SSX2IP: variants seen among roughly 807,000 people sequenced by gnomAD.
SSX2IP encodes afadin- and alpha-actinin-binding protein.
Under a neutral mutation model 84.9 loss-of-function variants are expected in SSX2IP, and 55 were observed. The ratio of observed to expected loss-of-function variants is 0.65; its 90% CI spans 0.52 to 0.81. The LOEUF (loss-of-function observed/expected upper bound fraction) is 0.81. Among genes scored for constraint, SSX2IP ranks in the 30% least tolerant of loss-of-function variants. The probability of loss-of-function intolerance (pLI) is 0.00; values close to 1 mark genes in which losing one functional copy is unlikely to be tolerated. For synonymous variants in SSX2IP, 239 were observed against 234.7 expected (o/e 1.02, Z -0.17); for missense variants, 664 against 705.2 (o/e 0.94, Z 0.66).
At chr1:84,677,003 C>T (rs930469722) in intron 1 of SSX2IP, among the ~76,000 whole-genome samples, 3 of 152,012 alleles carry the variant, frequency 2.0e-5, no homozygotes, top group African/African-American at 7.3e-5. Context: ...GCGTGAGCCA[C>T]CATGCCCAGT....
chr1:84,647,752 G>GTA, intron 13 of SSX2IP, 145 bp from the exon 14 acceptor site: 16 of 261,562 alleles, frequency 6.1e-5, no homozygotes, highest in East Asian at 1.0e-4. Context: ...ATTTTACTTG[G>GTA]AAAAAAAAAA....
intron 13 of SSX2IP, 26 bp from the exon 14 acceptor site, chr1:84,647,633 T>C: frequency 6.7e-7 from 1 of 1,499,148 alleles, no homozygotes. Flanking sequence ...AGGCAGATCT[T>C]AGTGACTATC....
At position 84,646,156 on chromosome 1, in the gene SSX2IP, T is replaced by G. The variant is rs1262307945; in HGVS notation, c.*1277A>C. 6.6e-6 allele frequency: 1 copy of G among 152,638 alleles called. No individual in the cohort carries two copies. Among genetic ancestry groups the G allele is most frequent in the South Asian group, 2.1e-4 (1 of 4,830 alleles). 9.5% of individuals were successfully genotyped at this position (152,638 alleles called of 1,614,324 possible). The stretch of plus-strand genomic sequence containing the variant: ...CTAAACTATGATACCTAGCAAGGGT[T>G]GGATCTGTGCAGGCTTCTATGTACA... On this transcript the variant is annotated 3_prime_UTR_variant, in exon 14 of 14. Coordinates refer to ENST00000342203, the MANE Select transcript of SSX2IP (RefSeq NM_001166293.2).
chr1:84,656,099 G>T, intron 10 of SSX2IP, 94 bp from the exon 11 acceptor site: 1 of 1,170,256 alleles, frequency 8.5e-7, no homozygotes. Context: ...CAAACTTCAG[G>T]GCAGGAATAG....
intron 1 of SSX2IP, among the ~76,000 whole-genome samples, chr1:84,676,693 T>G (rs892908757): frequency 6.6e-6 from 1 of 150,906 alleles, no homozygotes; most frequent in Non-Finnish European, 1.5e-5. Context: ...GAAACAAATC[T>G]GATTTCAAGA....
At chr1:84,685,039 T>G (rs1358697781) in intron 1 of SSX2IP, among the ~76,000 whole-genome samples, 1 of 152,148 alleles carries the variant, frequency 6.6e-6, no homozygotes, top group African/African-American at 2.4e-5. Context: ...AAACTATAAA[T>G]GGACCAATTA....
chr1:84,650,533 G>A lies in SSX2IP; in HGVS notation c.1505-6C>T. ...AAGATTGTCCCAATCAGAACCTGTT[G>A]TAAAACAAGTAAGAGAAAAAGGCAG... On this transcript the variant is annotated splice_polypyrimidine_tract_variant and splice_region_variant and intron_variant, in intron 12 of 13. Transcript: ENST00000342203. The A allele has an allele frequency of 6.2e-7, 1 of 1,614,048 alleles. No homozygotes were observed.
chr1:84,671,210 A>C lies in SSX2IP; in HGVS notation c.10T>G (p.Trp4Gly). MGD[W>G]MTVTDPGLSS... ...AGACCTGGATCTGTAACAGTCATCCAATCTCCCATAGCAATCTCTAGAGCC... is the reference window on the plus strand; with the variant it reads ...AGACCTGGATCTGTAACAGTCATCCCATCTCCCATAGCAATCTCTAGAGCC... The change falls in exon 2 of 14, where the codon TGG (tryptophan) becomes GGG (glycine). Residue 4 changes from tryptophan (W) to glycine (G), a missense_variant. Physicochemically the swap from Trp to Gly is radical, Grantham distance 184. Coordinates refer to ENST00000342203, the MANE Select transcript of SSX2IP (RefSeq NM_001166293.2). 6.2e-7 allele frequency: 1 copy of C among 1,611,496 alleles called. No individual in the cohort carries two copies. Among genetic ancestry groups the C allele is most frequent in the South Asian group, 1.1e-5 (1 of 90,732 alleles).
At position 84,664,660 on chromosome 1, in the gene SSX2IP, C is replaced by T. The variant is rs889246910; in HGVS notation, c.538-108G>A. The T allele has an allele frequency of 1.6e-5, 16 of 978,720 alleles. 1 individual carries two copies. Among genetic ancestry groups the T allele is most frequent in the Middle Eastern group, 7.1e-4 (2 of 2,824 alleles). The allele number at this position is 978,720 out of a possible 1,614,324, so 60.6% of individuals were successfully genotyped here. Reference sequence around the variant, plus strand: ...TAGGTTTTAAAATCCTAGGATGATTCTTCCTTATTTGTAACCAGTAGAAAC... The same window carrying T: ...TAGGTTTTAAAATCCTAGGATGATTTTTCCTTATTTGTAACCAGTAGAAAC... On this transcript the variant is annotated intron_variant, in intron 5 of 13. Transcript: ENST00000342203.
chr1:84,659,206 AAAAG>A (rs1651561965), intron 8 of SSX2IP, among the ~76,000 whole-genome samples: 2 of 152,230 alleles, frequency 1.3e-5, no homozygotes, highest in Non-Finnish European at 2.9e-5. Context: ...TGCTGGGGAA[AAAAG>A]AAAGATAAAA....
At chr1:84,657,134 T>C (rs1651236014) in intron 9 of SSX2IP, among the ~76,000 whole-genome samples, 1 of 152,180 alleles carries the variant, frequency 6.6e-6, no homozygotes, top group Non-Finnish European at 1.5e-5. Context: ...ATAGGCTTCA[T>C]TTACTGAGCA....
chr1:84,644,175 A>G lies in SSX2IP; in HGVS notation c.*3258T>C, dbSNP rs1649218368. On this transcript the variant is annotated 3_prime_UTR_variant, in exon 14 of 14. Transcript: ENST00000342203. ...AATCATCTGTTACATAGTACTTCACAAAGGAAATAATGCTAAGACTTATAA... is the reference window on the plus strand; with the variant it reads ...AATCATCTGTTACATAGTACTTCACGAAGGAAATAATGCTAAGACTTATAA... 6.6e-6 allele frequency: 1 copy of G among 152,236 alleles called. No individual in the cohort carries two copies. The highest frequency in any genetic ancestry group is 2.4e-5 in the African/African-American group (1 of 41,454). 9.4% of individuals were successfully genotyped at this position (152,236 alleles called of 1,614,324 possible). A position where few individuals can be genotyped will look rare whatever the true frequency, so the allele number is the denominator to read the frequency against.
Position 84,647,309 on chromosome 1 carries a change from G to T in SSX2IP, c.*124C>A. The stretch of plus-strand genomic sequence containing the variant: ...CAACTCTTTGGGGGAAGACAGGGAA[G>T]TCCAAACAAACAACTCAGACCATCT... On this transcript the variant is annotated 3_prime_UTR_variant, in exon 14 of 14. Transcript: ENST00000342203. The T allele has an allele frequency of 2.6e-6, 2 of 783,246 alleles. No homozygotes were observed. The highest frequency in any genetic ancestry group is 2.8e-5 in the South Asian group (1 of 35,346). The allele number at this position is 783,246 out of a possible 1,614,324, so 48.5% of individuals were successfully genotyped here. A position where few individuals can be genotyped will look rare whatever the true frequency, so the allele number is the denominator to read the frequency against.
intron 11 of SSX2IP, among the ~76,000 whole-genome samples, chr1:84,655,105 C>A (rs1036367341): frequency 1.3e-5 from 2 of 152,048 alleles, no homozygotes; most frequent in African/African-American, 4.8e-5. Context: ...ACAATAAGGA[C>A]ACAGAATTCC....
intron 9 of SSX2IP, among the ~76,000 whole-genome samples, chr1:84,657,734 T>C (rs1354290617): frequency 1.3e-5 from 2 of 152,238 alleles, no homozygotes; most frequent in Non-Finnish European, 2.9e-5. Context: ...TTTGATTGTA[T>C]ACTGCATCCA....
chr1:84,690,283 C>CGCGCCCGCCCCTTGCCG lies in SSX2IP; in HGVS notation c.-90+71_-90+87dup, dbSNP rs1475823999. The CGCGCCCGCCCCTTGCCG allele has an allele frequency of 3.4e-4, 52 of 151,776 alleles. No individual in the cohort carries two copies. The East Asian group carries it at 6.8e-3, about 20-fold the overall frequency. 9.4% of individuals were successfully genotyped at this position (151,776 alleles called of 1,614,324 possible). ...CCAGGTGCCGGCTCTCACCTCCGCG[C>CGCGCCCGCCCCTTGCCG]GCGCCCGCCCCTTGCCGGCGCCCAC... On this transcript the variant is annotated intron_variant, in intron 1 of 13. Transcript: ENST00000342203.
intron 4 of SSX2IP, among the ~76,000 whole-genome samples, chr1:84,667,155 A>G (rs905337283): frequency 2.6e-5 from 4 of 152,094 alleles, no homozygotes; most frequent in Non-Finnish European, 4.4e-5. Context: ...ATATATGTCA[A>G]ATCAGAAATT....
At chr1:84,677,667 T>A (rs541152604) in intron 1 of SSX2IP, among the ~76,000 whole-genome samples, 4 of 152,232 alleles carry the variant, frequency 2.6e-5, no homozygotes, top group Non-Finnish European at 5.9e-5. Context: ...GTTGTTTTTT[T>A]ACTTGTTGCC....
intron 1 of SSX2IP, among the ~76,000 whole-genome samples, chr1:84,685,989 A>G (rs929466589): frequency 2.0e-5 from 3 of 152,216 alleles, no homozygotes; most frequent in African/African-American, 7.2e-5. Flanking sequence ...TTTAGGCTCT[A>G]TATACGATTT....
Sources: allele counts gnomAD v4.1 joint callset (sites outside exome capture counted in the v4.1 genomes callset), GRCh38; gene constraint gnomAD v4.1.1; transcripts MANE v1.5; gene names NCBI Gene and HGNC (gene_info 2026-07-23, HGNC 2026-07-21).